Variants in LY75 observed in about 807,000 individuals in gnomAD.
The protein encoded by LY75 is lymphocyte antigen 75.
A neutral mutation model predicts 231.7 loss-of-function variants in LY75; 185 were observed. The ratio of observed to expected loss-of-function variants is 0.80; its 90% confidence interval spans 0.71 to 0.90. The LOEUF (loss-of-function observed/expected upper bound fraction) is 0.90, where lower values mean the gene tolerates loss of function less well. Ranked by LOEUF, LY75 falls within the 40% of genes least tolerant of loss-of-function variation. The pLI is 0.00. For missense variants in LY75, 1,947 were observed against 2,050.2 expected (o/e 0.95, Z 0.97); for synonymous variants, 668 against 689.0 (o/e 0.97, Z 0.48).
At position 159,850,149 on chromosome 2, in the gene LY75, A is replaced by G; in HGVS notation, c.2990-9T>C. Reference sequence around the variant, plus strand: ...CAAGGATGTAATAAAGTCTGTTAGAAAGAGATTTTTAAAAAGCATTTGATT... The same window carrying G: ...CAAGGATGTAATAAAGTCTGTTAGAGAGAGATTTTTAAAAAGCATTTGATT... On this transcript the variant is annotated splice_polypyrimidine_tract_variant and intron_variant, in intron 22 of 34. Coordinates refer to ENST00000263636, the MANE Select transcript of LY75 (RefSeq NM_002349.4). The G allele has an allele frequency of 6.3e-7, 1 of 1,589,754 alleles. No homozygotes were observed. Among genetic ancestry groups the G allele is most frequent in the South Asian group, 1.2e-5 (1 of 86,066 alleles).
At chr2:159,874,715 TATATATATTTTGTAAATATATGTAA>T in intron 12 of LY75, among the ~76,000 whole-genome samples, 1 of 65,488 alleles carries the variant, frequency 1.5e-5, no homozygotes, top group East Asian at 3.6e-4. Flanking sequence ...TATATGTAAA[TATATATATTTTGTAAATATATGTAA>T]ATATATATAT....
Position 159,878,364 on chromosome 2 carries a change from C to T in LY75, c.1734G>A (p.Arg578=). Residue 578 remains arginine, a synonymous_variant, in exon 11 of 35, where the codon AGG becomes AGA. Transcript: ENST00000263636. ...EYNWATVGGR[R]RAVTFSNWNF... is the part of the protein sequence containing the mutation. ...TCCAGTTGGAAAAGGTTACAGCCCG[C>T]CTTCTTCCACCAACAGTTGCCCAGT... 1 of 1,614,088 alleles carries T rather than the reference C, an allele frequency of 6.2e-7. No homozygotes were observed.
At chr2:159,819,097 C>T (rs1052656605) in intron 29 of LY75, among the ~76,000 whole-genome samples, 9 of 152,148 alleles carry the variant, frequency 5.9e-5, no homozygotes, top group East Asian at 1.9e-4. Flanking sequence ...GAAGTGACTG[C>T]GGCGCTGTAA....
intron 2 of LY75, among the ~76,000 whole-genome samples, chr2:159,898,271 C>CAG (rs1026041400): frequency 1.3e-5 from 2 of 151,988 alleles, no homozygotes; most frequent in African/African-American, 4.8e-5. Context: ...TGCACCACTA[C>CAG]GCCTGACCTT....
chr2:159,853,466 C>G (rs571168588), intron 19 of LY75, 114 bp from the exon 20 acceptor site: 499 of 1,464,488 alleles, frequency 3.4e-4, no homozygotes, highest in Non-Finnish European at 4.5e-4. Context: ...TTACTCTATA[C>G]CCCTTTTTTC....
intron 6 of LY75, among the ~76,000 whole-genome samples, chr2:159,883,625 T>A (rs1288205211): frequency 6.6e-6 from 1 of 152,208 alleles, no homozygotes; most frequent in Non-Finnish European, 1.5e-5. Flanking sequence ...TTCAATCATG[T>A]GGAAACATCA....
intron 1 of LY75, chr2:159,902,338 T>C (rs1390674487): frequency 6.6e-6 from 1 of 152,202 alleles, no homozygotes; most frequent in African/African-American, 2.4e-5. Context: ...TCCAGTGGTG[T>C]TTGAGAGAAA....
At chr2:159,821,594 C>T (rs1013643878) in intron 28 of LY75, among the ~76,000 whole-genome samples, 12 of 140,354 alleles carry the variant, frequency 8.5e-5, no homozygotes, top group East Asian at 2.1e-4. Flanking sequence ...ACTTCAGCTT[C>T]GGTGACAAGA....
In LY75 at chr2:159,904,671, G is replaced by C. The variant is rs765161119; in HGVS notation, c.12C>G (p.Gly4=). 9.5e-6 allele frequency: 14 copies of C among 1,475,674 alleles called. No individual in the cohort carries two copies. In the Admixed American group the frequency reaches 3.4e-4, roughly 36 times the overall value. The allele number at this position is 1,475,674 out of a possible 1,614,324, so 91.4% of individuals were successfully genotyped here. A position where few individuals can be genotyped will look rare whatever the true frequency, so the allele number is the denominator to read the frequency against. Residue 4 remains glycine (G), a synonymous_variant, in exon 1 of 35, where the codon GGC becomes GGG. Transcript: ENST00000263636. ...CCGCCGGGCGGCGAGGGGTCGCCCA[G>C]CCTGTCCTCATCCTGAGCTGGCGCA... MRT[G]WATPRRPAGL... is the part of the protein sequence containing the mutation.
intron 25 of LY75, among the ~76,000 whole-genome samples, chr2:159,836,101 A>C (rs1174219336): frequency 6.6e-6 from 1 of 152,220 alleles, no homozygotes; most frequent in African/African-American, 2.4e-5. Flanking sequence ...CATAGTGGAA[A>C]GAATATGGGC....
chr2:159,842,320 AT>A lies in LY75; in HGVS notation c.3204del (p.Lys1068AsnfsTer41). 1 of 1,612,884 alleles carries A rather than the reference AT, an allele frequency of 6.2e-7. No individual in the cohort carries two copies. The highest frequency in any genetic ancestry group is 8.5e-7 in the Non-Finnish European group (1 of 1,179,200). On this transcript the variant is annotated frameshift_variant, in exon 24 of 35. Transcript: ENST00000263636. LOFTEE classifies it high-confidence loss of function. ...YHCALILNLQ[K>X]SPFTGTWNFT... is the part of the protein sequence containing the mutation. ...AAATTCCACGTCCCAGTAAACGGTG[AT>A]TTTTGGAGGTTGAGTATTAGGGCAC...
chr2:159,890,013 C>T (rs1685701795), intron 4 of LY75, among the ~76,000 whole-genome samples, 200 bp downstream of exon 4: 2 of 152,116 alleles, frequency 1.3e-5, no homozygotes, highest in South Asian at 2.1e-4. Context: ...CTTTAGTTTC[C>T]ATCACAAGAT....
At position 159,886,541 on chromosome 2, in the gene LY75, TA is replaced by T; in HGVS notation, c.803-12del. 1 of 1,578,442 alleles carries T rather than the reference TA, an allele frequency of 6.3e-7. No homozygotes were observed. The highest frequency in any genetic ancestry group is 8.6e-7 in the Non-Finnish European group (1 of 1,166,454). On this transcript the variant is annotated splice_polypyrimidine_tract_variant and intron_variant, in intron 4 of 34. Coordinates refer to ENST00000263636, the MANE Select transcript of LY75 (RefSeq NM_002349.4). Reference sequence around the variant, plus strand: ...CAATGCCTTCTTTTTCTGTAAGAATTAAAAAATTTTTAAAAAGTGACAAAGT... The same window carrying T: ...CAATGCCTTCTTTTTCTGTAAGAATTAAAAATTTTTAAAAAGTGACAAAGT...
At chr2:159,903,757 C>T (rs1469733327) in intron 1 of LY75, among the ~76,000 whole-genome samples, 2 of 152,204 alleles carry the variant, frequency 1.3e-5, no homozygotes. Flanking sequence ...AAACAAAGTT[C>T]TCTGCACACC....
In LY75 at chr2:159,858,414, CAAAT is replaced by C. The variant is rs2125858906; in HGVS notation, c.2327_2330del (p.Tyr776Ter). On this transcript the variant is annotated frameshift_variant, in exon 16 of 35. Coordinates refer to ENST00000263636, the MANE Select transcript of LY75 (RefSeq NM_002349.4). LOFTEE classifies it high-confidence loss of function. ...GTTTTGTATCACAAGCAAAAGGCCTCAAATAAATAAATTCTCTATCATCATAGAA... is the reference window on the plus strand; with the variant it reads ...GTTTTGTATCACAAGCAAAAGGCCTCAAATAAATTCTCTATCATCATAGAA... 2 of 1,613,736 alleles carry C rather than the reference CAAAT, an allele frequency of 1.2e-6. No individual in the cohort carries two copies. Among genetic ancestry groups the C allele is most frequent in the East Asian group, 4.5e-5 (2 of 44,836 alleles).
chr2:159,890,931 ATATG>A (rs1265748637), intron 3 of LY75, among the ~76,000 whole-genome samples: 2 of 152,236 alleles, frequency 1.3e-5, no homozygotes, highest in African/African-American at 4.8e-5. Context: ...TATGCATTAT[ATATG>A]TATTTGTGTG....
intron 25 of LY75, among the ~76,000 whole-genome samples, chr2:159,839,304 G>A (rs973290755): frequency 1.3e-5 from 2 of 152,176 alleles, no homozygotes; most frequent in African/African-American, 4.8e-5. Flanking sequence ...GAGAAAAGAG[G>A]TGGCCTATAA....
intron 2 of LY75, among the ~76,000 whole-genome samples, chr2:159,897,751 C>T (rs1035767254): frequency 6.6e-6 from 1 of 152,064 alleles, no homozygotes; most frequent in African/African-American, 2.4e-5. Context: ...ATATGCATAT[C>T]GACATTTGGT....
chr2:159,862,888 T>A (rs1442077064), intron 14 of LY75, among the ~76,000 whole-genome samples: 2 of 152,220 alleles, frequency 1.3e-5, no homozygotes, highest in East Asian at 3.9e-4. Context: ...GTACAATAGA[T>A]CTCTTGAACT....
Sources: gnomAD v4.1 joint callset for allele counts (sites outside exome capture counted in the v4.1 genomes callset) on GRCh38, gnomAD v4.1.1 for gene constraint, MANE v1.5 for transcripts, NCBI Gene and HGNC (gene_info 2026-07-23, HGNC 2026-07-21) for gene names.